Variants in NRG3 observed in about 807,000 individuals in gnomAD.
The protein encoded by NRG3 is neuregulin 3, also known as pro-neuregulin-3, membrane-bound isoform.
NRG3 carries 31 observed loss-of-function variants against 66.9 expected under a neutral mutation model. The observed-to-expected ratio is 0.46, with a 90% CI of 0.35 to 0.63. The LOEUF is 0.63. Among genes scored for constraint, NRG3 ranks in the 20% least tolerant of loss-of-function variants. The pLI is 0.00. For missense variants in NRG3, 910 were observed against 878.9 expected (o/e 1.04, Z -0.45); for synonymous variants, 393 against 359.4 (o/e 1.09, Z -1.06).
chr10:82,244,720 T>C (rs1416180160), intron 1 of NRG3, among the ~76,000 whole-genome samples: 1 of 152,016 alleles, frequency 6.6e-6, no homozygotes, highest in Non-Finnish European at 1.5e-5. Flanking sequence ...ATAACTCAAG[T>C]GCATTACAAT....
intron 1 of NRG3, among the ~76,000 whole-genome samples, chr10:81,984,670 A>G (rs1266652640): frequency 1.3e-5 from 2 of 152,218 alleles, no homozygotes; most frequent in African/African-American, 4.8e-5. Flanking sequence ...CCACAGACAT[A>G]AATGTTTGCA....
intron 2 of NRG3, among the ~76,000 whole-genome samples, chr10:82,691,958 A>G (rs2054964399): frequency 2.0e-5 from 3 of 152,140 alleles, no homozygotes; most frequent in Admixed American, 2.0e-4. Flanking sequence ...TTTTTGAACC[A>G]ATAAGACTTA....
At chr10:82,327,385 G>C (rs2081928013) in intron 1 of NRG3, among the ~76,000 whole-genome samples, 1 of 152,152 alleles carries the variant, frequency 6.6e-6, no homozygotes. Flanking sequence ...TCAGTGTGGA[G>C]ATAACTGTGT....
At chr10:82,172,633 C>G (rs2072717856) in intron 1 of NRG3, among the ~76,000 whole-genome samples, 1 of 152,114 alleles carries the variant, frequency 6.6e-6, no homozygotes, top group Non-Finnish European at 1.5e-5. Context: ...CACCTTCAAT[C>G]TCATCAGCCA....
At chr10:82,461,357 A>AC (rs1192302766) in intron 2 of NRG3, among the ~76,000 whole-genome samples, 1 of 151,936 alleles carries the variant, frequency 6.6e-6, no homozygotes, top group Non-Finnish European at 1.5e-5. Flanking sequence ...CACCATTAAC[A>AC]CCATCACCAC....
At chr10:82,594,667 T>A (rs1315800776) in intron 2 of NRG3, among the ~76,000 whole-genome samples, 1 of 152,180 alleles carries the variant, frequency 6.6e-6, no homozygotes, top group African/African-American at 2.4e-5. Context: ...CTTTTACAAT[T>A]ATTTCCTACA....
intron 1 of NRG3, among the ~76,000 whole-genome samples, chr10:82,321,188 A>T (rs2081549495): frequency 6.6e-6 from 1 of 152,210 alleles, no homozygotes; most frequent in East Asian, 1.9e-4. Flanking sequence ...TGGAGCCCAA[A>T]AGCATTTGCC....
chr10:82,645,516 C>T (rs1265756177), intron 2 of NRG3, among the ~76,000 whole-genome samples: 2 of 152,162 alleles, frequency 1.3e-5, no homozygotes, highest in Non-Finnish European at 2.9e-5. Flanking sequence ...CATAATTGCT[C>T]CAAAGTCATT....
chr10:82,739,480 C>T (rs1280365019), intron 3 of NRG3, among the ~76,000 whole-genome samples: 1 of 152,174 alleles, frequency 6.6e-6, no homozygotes, highest in African/African-American at 2.4e-5. Flanking sequence ...ACATACGTAA[C>T]ACAGACTTCA....
At chr10:82,565,853 G>C (rs2133064469) in intron 2 of NRG3, among the ~76,000 whole-genome samples, 1 of 152,120 alleles carries the variant, frequency 6.6e-6, no homozygotes, top group African/African-American at 2.4e-5. Flanking sequence ...AGGGCAAAGA[G>C]GAGAAACACA....
At chr10:82,314,546 C>A (rs1367175483) in intron 1 of NRG3, among the ~76,000 whole-genome samples, 1 of 152,136 alleles carries the variant, frequency 6.6e-6, no homozygotes, top group African/African-American at 2.4e-5. Context: ...CAGTGGCTCA[C>A]GTCTGTAATC....
chr10:82,814,590 G>T (rs556239792), intron 3 of NRG3, among the ~76,000 whole-genome samples: 1 of 152,080 alleles, frequency 6.6e-6, no homozygotes, highest in Non-Finnish European at 1.5e-5. Flanking sequence ...TAGAAAGGCC[G>T]ACAGCTACTT....
chr10:81,976,454 C>T (rs1007554306), intron 1 of NRG3, among the ~76,000 whole-genome samples: 1 of 152,146 alleles, frequency 6.6e-6, no homozygotes, highest in Non-Finnish European at 1.5e-5. Context: ...TAGAAAGACA[C>T]TGTATACATT....
chr10:82,338,849 C>T (rs1194699258), intron 1 of NRG3, among the ~76,000 whole-genome samples: 1 of 152,106 alleles, frequency 6.6e-6, no homozygotes, highest in Non-Finnish European at 1.5e-5. Context: ...AATGCAAACC[C>T]AGATCTGCAA....
intron 2 of NRG3, among the ~76,000 whole-genome samples, chr10:82,413,644 T>C (rs2088299208): frequency 6.6e-6 from 1 of 152,186 alleles, no homozygotes. Context: ...ATGGCATCCC[T>C]TCCATTAAAA....
chr10:82,323,562 CT>C (rs946426866), intron 1 of NRG3, among the ~76,000 whole-genome samples: 34 of 150,314 alleles, frequency 2.3e-4, no homozygotes, highest in African/African-American at 8.4e-4. Flanking sequence ...ATGAAGAACA[CT>C]TGTATGTAAT....
chr10:82,182,456 T>C (rs927696272), intron 1 of NRG3, among the ~76,000 whole-genome samples: 1 of 151,736 alleles, frequency 6.6e-6, no homozygotes, highest in African/African-American at 2.4e-5. Context: ...ATATTATAGC[T>C]TTAATAGTCT....
chr10:81,877,645 A>G (rs1841793708), intron 1 of NRG3: 1 of 1,206,694 alleles, frequency 8.3e-7, no homozygotes. Flanking sequence ...AAGCAAACCT[A>G]CTTTGCTTTG....
chr10:82,350,210 A>T (rs2083344104), intron 1 of NRG3, among the ~76,000 whole-genome samples: 1 of 152,258 alleles, frequency 6.6e-6, no homozygotes, highest in Non-Finnish European at 1.5e-5. Flanking sequence ...CAAAAACATT[A>T]TCAGAGATTT....
Sources: allele counts gnomAD v4.1 joint callset (sites outside exome capture counted in the v4.1 genomes callset), GRCh38; gene constraint gnomAD v4.1.1; transcripts MANE v1.5; gene names NCBI Gene and HGNC (gene_info 2026-07-23, HGNC 2026-07-21).